PRKN: variants seen among roughly 807,000 people sequenced by gnomAD.
PRKN encodes E3 ubiquitin-protein ligase parkin.
PRKN carries 56 observed loss-of-function variants against 59.5 expected under a neutral mutation model. The ratio of observed to expected loss-of-function variants is 0.94; its 90% CI spans 0.76 to 1.18. PRKN has a LOEUF of 1.18. Among genes scored for constraint, PRKN ranks in the 50% most tolerant of loss-of-function variants. The pLI is 0.00. For missense variants in PRKN, 657 were observed against 596.4 expected (o/e 1.10, Z -1.06); for synonymous variants, 250 against 222.1 (o/e 1.13, Z -1.12).
At chr6:161,971,947 T>C (rs920181619) in intron 6 of PRKN, among the ~76,000 whole-genome samples, 3 of 152,176 alleles carry the variant, frequency 2.0e-5, no homozygotes, top group Admixed American at 2.0e-4. Flanking sequence ...TTCTTTGACT[T>C]TATTCATTAA....
At chr6:162,031,494 C>T (rs2128279127) in intron 5 of PRKN, among the ~76,000 whole-genome samples, 1 of 151,288 alleles carries the variant, frequency 6.6e-6, no homozygotes, top group African/African-American at 2.4e-5. Context: ...AGATTATATT[C>T]AAAAGGCTGC....
intron 7 of PRKN, among the ~76,000 whole-genome samples, chr6:161,731,423 T>A (rs1787706879): frequency 6.6e-6 from 1 of 152,248 alleles, no homozygotes; most frequent in Non-Finnish European, 1.5e-5. Context: ...CAATAGTTTT[T>A]TGGAAGCAGG....
At position 161,454,616 on chromosome 6, in the gene PRKN, G is replaced by A. The variant is rs1261509166; in HGVS notation, c.1084-67739C>T. ...TGGAGCAAGCCCAAGTTTATTTTGGGGGAACTTTGCGCCAGCATTGTAGTT... is the reference window on the plus strand; with the variant it reads ...TGGAGCAAGCCCAAGTTTATTTTGGAGGAACTTTGCGCCAGCATTGTAGTT... On this transcript the variant is annotated intron_variant, in intron 9 of 11. Coordinates refer to ENST00000366898, the MANE Select transcript of PRKN (RefSeq NM_004562.3). The surrounding 1 kb of genome is among the most constrained non-coding windows in gnomAD (Gnocchi z 4.6). Among the ~76,000 whole-genome samples, 1 of 152,146 alleles carries A rather than the reference G, an allele frequency of 6.6e-6. No homozygotes were observed. Among genetic ancestry groups the A allele is most frequent in the Non-Finnish European group, 1.5e-5 (1 of 68,026 alleles).
intron 7 of PRKN, among the ~76,000 whole-genome samples, chr6:161,636,580 C>A (rs1403051655): frequency 6.6e-6 from 1 of 152,158 alleles, no homozygotes; most frequent in African/African-American, 2.4e-5. Flanking sequence ...AACGAAAGAG[C>A]CACTTGCTCC....
intron 4 of PRKN, among the ~76,000 whole-genome samples, chr6:162,169,519 G>C (rs1284400434): frequency 6.6e-6 from 1 of 152,122 alleles, no homozygotes. Flanking sequence ...GAAATACTTA[G>C]ACAAACCATA....
rs147248396 is a variant in PRKN at position 162,459,790 on chromosome 6, A to C, written c.8-16317T>G. ...ATAAAAAGTAGCCGCATTTTCAAAA[A>C]TGATTCGGAACTTTCTAGTAATCAC... On this transcript the variant is annotated intron_variant, in intron 1 of 11. Coordinates refer to ENST00000366898, the MANE Select transcript of PRKN (RefSeq NM_004562.3). Among the ~76,000 whole-genome samples the C allele has an allele frequency of 6.3e-3, 957 of 152,352 alleles. 9 individuals are homozygous for C. The highest frequency in any genetic ancestry group is 0.016 in the South Asian group (79 of 4,832).
At chr6:161,603,153 T>G (rs1490848527) in intron 7 of PRKN, among the ~76,000 whole-genome samples, 1 of 152,212 alleles carries the variant, frequency 6.6e-6, no homozygotes, top group Admixed American at 6.5e-5. Context: ...GCCGATTTTT[T>G]TTTGGCACCA....
chr6:162,549,173 C>T (rs7758578), intron 1 of PRKN, among the ~76,000 whole-genome samples: 4,595 of 152,156 alleles, frequency 0.03, 240 homozygotes, highest in African/African-American at 0.1. Context: ...TGTGAGGACA[C>T]CCCCAGAAGA....
At chr6:161,921,222 A>T (rs1411248911) in intron 6 of PRKN, among the ~76,000 whole-genome samples, 1 of 152,148 alleles carries the variant, frequency 6.6e-6, no homozygotes, top group Non-Finnish European at 1.5e-5. Flanking sequence ...CAGGGTCAGG[A>T]TCATCCATAT....
chr6:162,624,680 G>T (rs955636324), intron 1 of PRKN: 2 of 152,102 alleles, frequency 1.3e-5, no homozygotes, highest in African/African-American at 4.8e-5. Flanking sequence ...ACACACCAGC[G>T]GTAGAGAAAA....
chr6:161,936,655 C>A (rs1025167863), intron 6 of PRKN, among the ~76,000 whole-genome samples: 11 of 152,138 alleles, frequency 7.2e-5, no homozygotes, highest in Non-Finnish European at 4.4e-5. Flanking sequence ...ACCAGAGACT[C>A]CTCCTGCACC....
At chr6:162,089,877 G>A (rs1779405433) in intron 4 of PRKN, among the ~76,000 whole-genome samples, 1 of 152,130 alleles carries the variant, frequency 6.6e-6, no homozygotes, top group South Asian at 2.1e-4. Context: ...GGTACTCGGG[G>A]AAGAGGGAAG....
intron 1 of PRKN, among the ~76,000 whole-genome samples, chr6:162,502,093 G>A (rs572087724): frequency 6.6e-6 from 1 of 152,228 alleles, no homozygotes; most frequent in East Asian, 1.9e-4. Context: ...TAAAATATAT[G>A]TACACTTCCT....
chr6:161,482,199 T>G (rs1272840238), intron 9 of PRKN, among the ~76,000 whole-genome samples: 1 of 152,194 alleles, frequency 6.6e-6, no homozygotes, highest in Admixed American at 6.5e-5. Flanking sequence ...AGCATGTTAC[T>G]CAAGTAGATT....
At chr6:161,506,018 TGGTTCCA>T (rs1778155053) in intron 9 of PRKN, among the ~76,000 whole-genome samples, 1 of 151,952 alleles carries the variant, frequency 6.6e-6, no homozygotes, top group Non-Finnish European at 1.5e-5. Context: ...GGTTCTTTTT[TGGTTCCA>T]TATGAACTTT....
At chr6:161,979,180 T>C (rs1781167304) in intron 5 of PRKN, among the ~76,000 whole-genome samples, 1 of 152,140 alleles carries the variant, frequency 6.6e-6, no homozygotes, top group African/African-American at 2.4e-5. Context: ...TTCCAAATGA[T>C]AGCCTAAATG....
intron 7 of PRKN, among the ~76,000 whole-genome samples, chr6:161,586,430 C>T (rs1781523310): frequency 6.6e-6 from 1 of 152,144 alleles, no homozygotes; most frequent in Non-Finnish European, 1.5e-5. Flanking sequence ...CTCCAGCTAC[C>T]CTGGTGTAGA....
At chr6:162,706,293 G>A (rs569005170) in intron 1 of PRKN, among the ~76,000 whole-genome samples, 39 of 152,252 alleles carry the variant, frequency 2.6e-4, no homozygotes, top group Admixed American at 1.4e-3. Context: ...GCCAACAGGC[G>A]CACTGCATGG....
chr6:162,651,920 T>A (rs1778454049), intron 1 of PRKN, among the ~76,000 whole-genome samples: 1 of 152,230 alleles, frequency 6.6e-6, no homozygotes, highest in South Asian at 2.1e-4. Context: ...CCCTAAAATT[T>A]CATATGCATA....
Sources: gnomAD v4.1 joint callset for allele counts (sites outside exome capture counted in the v4.1 genomes callset) on GRCh38, gnomAD v4.1.1 for gene constraint, Gnocchi (gnomAD v3.1) non-coding constraint, MANE v1.5 for transcripts, NCBI Gene and HGNC (gene_info 2026-07-23, HGNC 2026-07-21) for gene names.